The following TLE1 variants were observed in gnomAD, a reference collection of about 807,000 sequenced individuals.
TLE1 encodes the protein TLE family member 1, transcriptional corepressor, also known as transducin-like enhancer protein 1.
A neutral mutation model predicts 89.8 loss-of-function variants in TLE1; 21 were observed. The ratio of observed to expected loss-of-function variants is 0.23; its 90% CI spans 0.17 to 0.34. TLE1 has a LOEUF of 0.34. Ranked by LOEUF, TLE1 falls within the 10% of genes least tolerant of loss-of-function variation. The pLI, the probability that TLE1 is intolerant of heterozygous loss-of-function variation, is 1.00. For synonymous variants in TLE1, 447 were observed against 407.6 expected (o/e 1.10, Z -1.16); for missense variants, 795 against 1,031.2 (o/e 0.77, Z 3.14).
At chr9:81,635,201 C>CT (rs901399196) in intron 6 of TLE1, among the ~76,000 whole-genome samples, 2 of 152,118 alleles carry the variant, frequency 1.3e-5, no homozygotes, top group Non-Finnish European at 2.9e-5. Context: ...AGAAACGAAA[C>CT]TTTGTTTATC....
In TLE1 at chr9:81,611,776, G is replaced by C; in HGVS notation, c.1247C>G (p.Ser416Cys). Residue 416 changes from serine (S) to cysteine (C), a missense_variant, in exon 13 of 20, where the codon TCC becomes TGC. By Grantham distance (112) the Ser-to-Cys change is moderately radical. Around this residue, in one of 4 missense-constraint regions of TLE1, gnomAD observed 468 missense variants for 509.1 expected, o/e 0.92. Coordinates refer to ENST00000376499, the MANE Select transcript of TLE1 (RefSeq NM_005077.5). Reference sequence around the variant, plus strand: ...CACCCGACAGCGGCCTACCATGGGGGAGCGCCCGTAGGCCACCACGGCGGC... The same window carrying C: ...CACCCGACAGCGGCCTACCATGGGGCAGCGCCCGTAGGCCACCACGGCGGC... The part of the protein sequence containing the change: ...AAAAVVAYGR[S>C]PMVGFDPPPH... 1 of 1,531,748 alleles carries C rather than the reference G, an allele frequency of 6.5e-7. No homozygotes were observed. Among genetic ancestry groups the C allele is most frequent in the South Asian group, 1.3e-5 (1 of 79,714 alleles). 94.9% of individuals were successfully genotyped at this position (1,531,748 alleles called of 1,614,324 possible). A position where few individuals can be genotyped will look rare whatever the true frequency, so the allele number is the denominator to read the frequency against.
chr9:81,617,048 A>G (rs1011307822), intron 9 of TLE1, among the ~76,000 whole-genome samples: 1 of 151,214 alleles, frequency 6.6e-6, no homozygotes, highest in African/African-American at 2.4e-5. Flanking sequence ...TGAAATCTTT[A>G]ATTTGAGATC....
intron 4 of TLE1, among the ~76,000 whole-genome samples, chr9:81,673,819 A>C (rs963737195): frequency 2.6e-5 from 4 of 152,130 alleles, no homozygotes; most frequent in African/African-American, 9.7e-5. Context: ...AATAAACCCA[A>C]AAAGCCGACT....
intron 6 of TLE1, among the ~76,000 whole-genome samples, chr9:81,648,460 A>C (rs1361334472): frequency 6.6e-6 from 1 of 152,188 alleles, no homozygotes; most frequent in Non-Finnish European, 1.5e-5. Flanking sequence ...GGTATCAAAA[A>C]TCAAGCTGTG....
chr9:81,616,688 A>G lies in TLE1; in HGVS notation c.723T>C (p.Gly241=), dbSNP rs781062613. ...DKDSSHYDSD[G]DKSDDNLVVD... ...CAACTAAGTTGTCATCGCTTTTGTC[A>G]CCATCACTGTCCTGGAAAAAAGAAA... Residue 241 remains glycine (G), a synonymous_variant, in exon 10 of 20, where the codon GGT becomes GGC. Coordinates refer to ENST00000376499, the MANE Select transcript of TLE1 (RefSeq NM_005077.5). 1 of 1,614,160 alleles carries G rather than the reference A, an allele frequency of 6.2e-7. No homozygotes were observed. Among genetic ancestry groups the G allele is most frequent in the South Asian group, 1.1e-5 (1 of 91,084 alleles).
chr9:81,652,138 C>CACACAT, intron 6 of TLE1, 76 bp downstream of exon 6: 5 of 1,417,548 alleles, frequency 3.5e-6, no homozygotes, highest in Non-Finnish European at 5.0e-6. Flanking sequence ...CACACACACA[C>CACACAT]GTAAAGCCAT....
At chr9:81,662,554 A>G (rs1454469794) in intron 4 of TLE1, among the ~76,000 whole-genome samples, 1 of 151,724 alleles carries the variant, frequency 6.6e-6, no homozygotes, top group East Asian at 2.0e-4. Context: ...AAAAATTAGC[A>G]GGGCATGGTG....
At chr9:81,620,146 G>C (rs1825047962) in intron 9 of TLE1, among the ~76,000 whole-genome samples, 1 of 152,160 alleles carries the variant, frequency 6.6e-6, no homozygotes, top group African/African-American at 2.4e-5. Flanking sequence ...GGGGGCCCGG[G>C]GGACTCCTAA....
At position 81,587,781 on chromosome 9, in the gene TLE1, T is replaced by C; in HGVS notation, c.1877A>G (p.Asn626Ser). Reference protein sequence around the residue: ...TDGASCIDISNDGTKLWTGGL... With the variant: ...TDGASCIDISSDGTKLWTGGL... ...ACCCGTCCAGAGCTTGGTGCCATCA[T>C]TAGAAATGTCAATACAGCTGGCTCC... is the stretch of plus-strand genomic sequence containing the variant. Residue 626 changes from asparagine (N) to serine (S), a missense_variant, in exon 17 of 20, where the codon AAT (asparagine) becomes AGT (serine). Asn to Ser is a conservative substitution (Grantham distance 46). Around this residue, in one of 4 missense-constraint regions of TLE1, gnomAD observed 214 missense variants for 354.9 expected, o/e 0.60. Coordinates refer to ENST00000376499, the MANE Select transcript of TLE1 (RefSeq NM_005077.5). 3 of 1,614,136 alleles carry C rather than the reference T, an allele frequency of 1.9e-6. No homozygotes were observed. The highest frequency in any genetic ancestry group is 2.5e-6 in the Non-Finnish European group (3 of 1,180,018).
chr9:81,593,777 A>T (rs1471706574), intron 14 of TLE1, among the ~76,000 whole-genome samples: 1 of 152,230 alleles, frequency 6.6e-6, no homozygotes, highest in African/African-American at 2.4e-5. Context: ...ATACCAGTTT[A>T]TGGTATGGAC....
At chr9:81,656,644 G>A (rs146748510) in intron 4 of TLE1, among the ~76,000 whole-genome samples, 1 of 152,066 alleles carries the variant, frequency 6.6e-6, no homozygotes, top group African/African-American at 2.4e-5. Context: ...TAATACCAAG[G>A]GGTTTCCGTT....
intron 17 of TLE1, among the ~76,000 whole-genome samples, chr9:81,586,176 C>A (rs1434686874): frequency 1.3e-5 from 2 of 152,070 alleles, no homozygotes; most frequent in Non-Finnish European, 2.9e-5. Context: ...CACCACCACG[C>A]CCGGCTAATT....
intron 16 of TLE1, 79 bp from the exon 17 acceptor site, chr9:81,587,907 C>CCGCCT: frequency 1.3e-6 from 1 of 752,284 alleles, no homozygotes. Context: ...AGTTTTGGAC[C>CCGCCT]GTGTGTGTGT....
chr9:81,688,317 G>C lies in TLE1; in HGVS notation c.-77C>G. 2 of 1,425,466 alleles carry C rather than the reference G, an allele frequency of 1.4e-6. No homozygotes were observed. The highest frequency in any genetic ancestry group is 1.8e-6 in the Non-Finnish European group (2 of 1,083,548). 88.3% of individuals were successfully genotyped at this position (1,425,466 alleles called of 1,614,324 possible). A position where few individuals can be genotyped will look rare whatever the true frequency, so the allele number is the denominator to read the frequency against. Reference sequence around the variant, plus strand: ...AATTTCCAACTTTAATCCCGCCGAGGAAAATTAAGCCGGAAAGCCAAGCAG... The same window carrying C: ...AATTTCCAACTTTAATCCCGCCGAGCAAAATTAAGCCGGAAAGCCAAGCAG... On this transcript the variant is annotated 5_prime_UTR_variant, in exon 1 of 20. Transcript: ENST00000376499.
chr9:81,593,174 T>C lies in TLE1; in HGVS notation c.1432A>G (p.Ile478Val), dbSNP rs1212164987. 3 of 1,613,988 alleles carry C rather than the reference T, an allele frequency of 1.9e-6. No individual in the cohort carries two copies. Among genetic ancestry groups the C allele is most frequent in the Non-Finnish European group, 2.5e-6 (3 of 1,180,030 alleles). The change falls in exon 15 of 20, where the codon ATC (isoleucine) becomes GTC (valine). Residue 478 changes from isoleucine (I) to valine (V), a missense_variant. By Grantham distance (29) the Ile-to-Val change is conservative. Coordinates refer to ENST00000376499, the MANE Select transcript of TLE1 (RefSeq NM_005077.5). The stretch of plus-strand genomic sequence containing the variant: ...ACCTCCCCGTGGTTGAGGGTGTTGA[T>C]CTGGCGAGCATGCCGGGGGATTCCG... ...GPGIPRHARQ[I>V]NTLNHGEVVC... is the part of the protein sequence containing the mutation.
intron 4 of TLE1, among the ~76,000 whole-genome samples, chr9:81,659,788 C>T (rs561013501): frequency 3.9e-5 from 6 of 152,254 alleles, no homozygotes; most frequent in South Asian, 2.1e-4. Context: ...AACCAGGTCT[C>T]GTACTTAACA....
intron 14 of TLE1, among the ~76,000 whole-genome samples, chr9:81,607,617 C>T (rs1392640202): frequency 6.6e-6 from 1 of 152,222 alleles, no homozygotes; most frequent in African/African-American, 2.4e-5. Context: ...CTCATCACAA[C>T]TTTACTGGTT....
At chr9:81,618,102 C>T (rs1209894636) in intron 9 of TLE1, among the ~76,000 whole-genome samples, 2 of 152,150 alleles carry the variant, frequency 1.3e-5, no homozygotes, top group African/African-American at 4.8e-5. Flanking sequence ...AAAAAGTCTA[C>T]CTTCTTAGCC....
intron 4 of TLE1, among the ~76,000 whole-genome samples, chr9:81,660,718 A>G (rs1830658880): frequency 6.6e-6 from 1 of 150,998 alleles, no homozygotes; most frequent in Admixed American, 6.6e-5. Context: ...GCCCAGCTAC[A>G]TGTATGTTTT....
Sources: gnomAD v4.1 joint callset for allele counts (sites outside exome capture counted in the v4.1 genomes callset) on GRCh38, gnomAD v4.1.1 for gene constraint, gnomAD v4.1.1 regional missense constraint, MANE v1.5 for transcripts, NCBI Gene and HGNC (gene_info 2026-07-23, HGNC 2026-07-21) for gene names.